OPCML: variants seen among roughly 807,000 people sequenced by gnomAD.
The protein encoded by OPCML is opioid-binding protein/cell adhesion molecule.
In OPCML, 13 loss-of-function variants were observed where a neutral mutation model predicts 37.8. The ratio of observed to expected loss-of-function variants is 0.34; its 90% CI spans 0.22 to 0.55. OPCML has a LOEUF of 0.55. Among genes scored for constraint, OPCML ranks in the 20% least tolerant of loss-of-function variants. The pLI is 0.91. For synonymous variants in OPCML, 176 were observed against 168.8 expected (o/e 1.04, Z -0.33); for missense variants, 341 against 435.6 (o/e 0.78, Z 1.93).
chr11:132,592,701 C>T (rs546567261), intron 3 of OPCML, among the ~76,000 whole-genome samples: 3 of 152,234 alleles, frequency 2.0e-5, no homozygotes, highest in East Asian at 1.9e-4. Flanking sequence ...TGGTTACATA[C>T]GTACCTGCAT....
intron 1 of OPCML, among the ~76,000 whole-genome samples, chr11:133,222,222 G>T (rs909466311): frequency 6.6e-6 from 1 of 152,188 alleles, no homozygotes. Flanking sequence ...ACCATGTGAA[G>T]GTGAGTGGAA....
At chr11:132,506,864 A>G (rs2096258071) in intron 4 of OPCML, among the ~76,000 whole-genome samples, 1 of 152,242 alleles carries the variant, frequency 6.6e-6, no homozygotes, top group South Asian at 2.1e-4. Context: ...AAACAAACAC[A>G]TCAGTTTTAA....
intron 1 of OPCML, among the ~76,000 whole-genome samples, chr11:133,188,333 T>C (rs1354711033): frequency 6.6e-6 from 1 of 152,228 alleles, no homozygotes; most frequent in Non-Finnish European, 1.5e-5. Context: ...ACTGGCTCTT[T>C]CTGTGGTCAC....
At chr11:132,461,061 G>A (rs1271688099) in intron 4 of OPCML, among the ~76,000 whole-genome samples, 2 of 152,176 alleles carry the variant, frequency 1.3e-5, no homozygotes, top group African/African-American at 2.4e-5. Context: ...AGGATACTGA[G>A]TGAACCCAAG....
At chr11:132,541,994 GGCAAT>G (rs1416298839) in intron 3 of OPCML, among the ~76,000 whole-genome samples, 1 of 152,196 alleles carries the variant, frequency 6.6e-6, no homozygotes, top group Non-Finnish European at 1.5e-5. Context: ...AACCAAATGA[GGCAAT>G]GCAGGGGAAG....
chr11:133,239,625 A>C (rs767225410), intron 1 of OPCML, among the ~76,000 whole-genome samples: 6 of 152,214 alleles, frequency 3.9e-5, no homozygotes, highest in Non-Finnish European at 5.9e-5. Flanking sequence ...AAGACCAAAA[A>C]GTAAGGTTGC....
At chr11:132,985,837 C>A (rs527448085) in intron 1 of OPCML, among the ~76,000 whole-genome samples, 3 of 152,204 alleles carry the variant, frequency 2.0e-5, no homozygotes, top group Admixed American at 2.0e-4. Context: ...CTTTTCCCTG[C>A]AGTAAATCAT....
intron 1 of OPCML, among the ~76,000 whole-genome samples, chr11:133,176,152 C>A (rs1950369237): frequency 6.6e-6 from 1 of 152,078 alleles, no homozygotes; most frequent in Non-Finnish European, 1.5e-5. Context: ...GTATTTATTA[C>A]TATTCCAGAA....
At chr11:132,498,532 T>C (rs1442331422) in intron 4 of OPCML, among the ~76,000 whole-genome samples, 1 of 152,238 alleles carries the variant, frequency 6.6e-6, no homozygotes, top group Non-Finnish European at 1.5e-5. Flanking sequence ...AGAGACTGTC[T>C]AAAACCAATG....
At chr11:133,484,191 G>T (rs933849376) in intron 1 of OPCML, among the ~76,000 whole-genome samples, 1 of 152,008 alleles carries the variant, frequency 6.6e-6, no homozygotes, top group African/African-American at 2.4e-5. Flanking sequence ...TAGATAGATA[G>T]ATGTAAGAGC....
At chr11:133,402,904 A>G (rs1945439681) in intron 1 of OPCML, among the ~76,000 whole-genome samples, 1 of 152,162 alleles carries the variant, frequency 6.6e-6, no homozygotes, top group East Asian at 1.9e-4. Context: ...CCAAGTGCTG[A>G]TTTTCTCCTC....
chr11:132,723,283 A>G (rs1198873047), intron 2 of OPCML, among the ~76,000 whole-genome samples: 1 of 152,240 alleles, frequency 6.6e-6, no homozygotes, highest in African/African-American at 2.4e-5. Context: ...TTAAGCATTC[A>G]TATGGTGTGT....
chr11:132,661,408 C>T (rs1941971072), intron 2 of OPCML, among the ~76,000 whole-genome samples: 1 of 152,150 alleles, frequency 6.6e-6, no homozygotes, highest in South Asian at 2.1e-4. Flanking sequence ...AGTTTCATGG[C>T]TTCATGCTTT....
chr11:133,439,759 G>T lies in OPCML; in HGVS notation c.61+92505C>A, dbSNP rs549544334. 3.3e-5 allele frequency among the ~76,000 whole-genome samples: 5 copies of T among 152,164 alleles called. No homozygotes were observed. In the South Asian group the frequency reaches 1.0e-3, roughly 32 times the overall value. On this transcript the variant is annotated intron_variant, in intron 1 of 7. Transcript: ENST00000524381. ...TGGGATTGCAGGTGTGAGCCACCGA[G>T]CCCGGCCCAACCTAAGTCTTATAAT...
At chr11:132,572,197 GA>G (rs1360727137) in intron 3 of OPCML, among the ~76,000 whole-genome samples, 2 of 151,762 alleles carry the variant, frequency 1.3e-5, no homozygotes, top group Admixed American at 1.3e-4. Flanking sequence ...AATGGTTGCA[GA>G]TATTTTCTCT....
chr11:132,565,281 T>C (rs1289732679), intron 3 of OPCML, among the ~76,000 whole-genome samples: 1 of 152,192 alleles, frequency 6.6e-6, no homozygotes. Context: ...CATGCTCACC[T>C]TCTCAACTTG....
intron 1 of OPCML, among the ~76,000 whole-genome samples, chr11:133,250,559 G>A (rs1237630810): frequency 7.0e-6 from 1 of 142,564 alleles, no homozygotes; most frequent in African/African-American, 2.6e-5. Flanking sequence ...GAAGGAAGGA[G>A]GGAGGGAAGG....
intron 1 of OPCML, among the ~76,000 whole-genome samples, chr11:133,077,341 G>C (rs1948637877): frequency 6.6e-6 from 1 of 151,928 alleles, no homozygotes; most frequent in African/African-American, 2.4e-5. Context: ...TTTCCCCGTG[G>C]GCTCGGCGTG....
intron 2 of OPCML, among the ~76,000 whole-genome samples, chr11:132,902,689 C>T (rs1395489982): frequency 1.3e-5 from 2 of 152,082 alleles, no homozygotes; most frequent in Non-Finnish European, 2.9e-5. Flanking sequence ...ACCTCTTCTG[C>T]CCTCACCCCT....
Sources: allele counts gnomAD v4.1 joint callset (sites outside exome capture counted in the v4.1 genomes callset), GRCh38; gene constraint gnomAD v4.1.1; transcripts MANE v1.5; gene names NCBI Gene and HGNC (gene_info 2026-07-23, HGNC 2026-07-21).